The following SLC39A11 variants were observed in gnomAD, a reference collection of about 807,000 sequenced individuals.
SLC39A11 encodes the protein zinc transporter ZIP11.
SLC39A11 carries 33 observed loss-of-function variants against 36.1 expected under a neutral mutation model. The ratio of observed to expected loss-of-function variants is 0.91; its 90% CI spans 0.69 to 1.22. The LOEUF (loss-of-function observed/expected upper bound fraction) is 1.22, where lower values mean the gene tolerates loss of function less well. Ranked by LOEUF, SLC39A11 falls within the 50% of genes most tolerant of loss-of-function variation. The pLI, the probability that SLC39A11 is intolerant of heterozygous loss-of-function variation, is 0.00. For synonymous variants in SLC39A11, 166 were observed against 170.3 expected (o/e 0.97, Z 0.20); for missense variants, 432 against 430.3 (o/e 1.00, Z -0.03).
intron 3 of SLC39A11, among the ~76,000 whole-genome samples, chr17:73,046,258 T>C (rs2059287028): frequency 6.6e-6 from 1 of 152,168 alleles, no homozygotes; most frequent in Non-Finnish European, 1.5e-5. Context: ...AAGATGCTCC[T>C]CCTTGTTCTA....
At chr17:73,090,313 T>C (rs1432532467) in intron 1 of SLC39A11, among the ~76,000 whole-genome samples, 1 of 152,068 alleles carries the variant, frequency 6.6e-6, no homozygotes, top group African/African-American at 2.4e-5. Flanking sequence ...AACTCTGAGA[T>C]AAATAGCATC....
chr17:72,662,550 GAAAAAAGAAA>G (rs2070493427), intron 7 of SLC39A11, among the ~76,000 whole-genome samples: 1 of 43,880 alleles, frequency 2.3e-5, no homozygotes, highest in African/African-American at 1.4e-4. Context: ...AGAAAGAAAA[GAAAAAAGAAA>G]AGAAAAGAAA....
intron 6 of SLC39A11, among the ~76,000 whole-genome samples, chr17:72,834,891 G>A (rs1468616205): frequency 1.3e-5 from 2 of 152,258 alleles, no homozygotes; most frequent in East Asian, 3.8e-4. Flanking sequence ...CACTCTGGCT[G>A]TAGCTTCCTT....
intron 7 of SLC39A11, among the ~76,000 whole-genome samples, chr17:72,701,557 G>C (rs2072621815): frequency 6.6e-6 from 1 of 151,686 alleles, no homozygotes; most frequent in South Asian, 2.1e-4. Context: ...GTGAAACCCT[G>C]TCTCTACTAA....
At chr17:72,669,406 T>C (rs2070895699) in intron 7 of SLC39A11, among the ~76,000 whole-genome samples, 1 of 152,220 alleles carries the variant, frequency 6.6e-6, no homozygotes, top group South Asian at 2.1e-4. Context: ...TGTTTCAGTC[T>C]TTCCTTGATT....
chr17:72,721,094 T>TG (rs1267473707), intron 7 of SLC39A11, among the ~76,000 whole-genome samples: 4 of 150,986 alleles, frequency 2.6e-5, no homozygotes, highest in Non-Finnish European at 5.9e-5. Context: ...CGCCTTTTTT[T>TG]TTTTTTTTTT....
chr17:72,965,755 G>A (rs192178614), intron 4 of SLC39A11, among the ~76,000 whole-genome samples: 5 of 152,336 alleles, frequency 3.3e-5, no homozygotes, highest in Admixed American at 2.6e-4. Context: ...CAGGATGGAA[G>A]ACCAGAAAAT....
chr17:72,767,890 G>A (rs1007486359), intron 6 of SLC39A11, among the ~76,000 whole-genome samples: 1 of 151,982 alleles, frequency 6.6e-6, no homozygotes, highest in Non-Finnish European at 1.5e-5. Flanking sequence ...CACGAGGCTG[G>A]CCATACCACT....
Position 72,821,141 on chromosome 17 carries a change from A to G in SLC39A11, c.601+28493T>C, listed in dbSNP as rs909176378. ...GGGTGGTTCGCAGGTATAATTAATT[A>G]CGTTAGAATGAGATCATCATGCAGT... On this transcript the variant is annotated intron_variant, in intron 6 of 9. Transcript: ENST00000255559. 9.3e-4 allele frequency among the ~76,000 whole-genome samples: 140 copies of G among 150,704 alleles called. 1 individual carries two copies. The highest frequency in any genetic ancestry group is 3.0e-3 in the African/African-American group (126 of 41,316).
intron 6 of SLC39A11, among the ~76,000 whole-genome samples, chr17:72,801,213 A>G (rs1273325431): frequency 6.6e-6 from 1 of 152,114 alleles, no homozygotes; most frequent in Non-Finnish European, 1.5e-5. Flanking sequence ...AGGCAATGAA[A>G]TATGCTTTTT....
intron 7 of SLC39A11, among the ~76,000 whole-genome samples, chr17:72,733,123 T>C (rs749968571): frequency 6.6e-6 from 1 of 152,238 alleles, no homozygotes; most frequent in Non-Finnish European, 1.5e-5. Context: ...ATCCGCTCCA[T>C]AGGCAAGAGG....
intron 5 of SLC39A11, among the ~76,000 whole-genome samples, chr17:72,945,728 C>A (rs1487400197): frequency 6.6e-6 from 1 of 152,204 alleles, no homozygotes; most frequent in Non-Finnish European, 1.5e-5. Context: ...CCCTCCCACA[C>A]ACCTCACTCC....
intron 4 of SLC39A11, among the ~76,000 whole-genome samples, chr17:73,010,105 A>C (rs2090430242): frequency 6.6e-6 from 1 of 151,990 alleles, no homozygotes; most frequent in African/African-American, 2.4e-5. Flanking sequence ...TGGTTCTCTG[A>C]CTAGAGGGAG....
intron 4 of SLC39A11, among the ~76,000 whole-genome samples, chr17:72,986,410 T>G (rs916084210): frequency 3.9e-5 from 6 of 152,206 alleles, no homozygotes; most frequent in South Asian, 2.1e-4. Flanking sequence ...TACAGACGTC[T>G]AAGCTCCACC....
rs1234092428 is a variant in SLC39A11 at position 73,030,470 on chromosome 17, G to A, written c.306+1086C>T. On this transcript the variant is annotated intron_variant, in intron 4 of 9. Coordinates refer to ENST00000255559, the MANE Select transcript of SLC39A11 (RefSeq NM_139177.4). ...CTTGGGAAGTTAAGGAAAAAAGAAA[G>A]CAGGAAGGCAGGGAAGAGAACTTCA... 2.6e-5 allele frequency among the ~76,000 whole-genome samples: 4 copies of A among 152,310 alleles called. No homozygotes were observed. The South Asian group carries it at 8.3e-4, about 32-fold the overall frequency.
In SLC39A11 at chr17:73,031,575, T is replaced by C. The variant is rs975192140; in HGVS notation, c.287A>G (p.Asp96Gly). 1 of 1,613,818 alleles carries C rather than the reference T, an allele frequency of 6.2e-7. No homozygotes were observed. The highest frequency in any genetic ancestry group is 8.5e-7 in the Non-Finnish European group (1 of 1,179,978). Residue 96 changes from aspartate to glycine, a missense_variant, in exon 4 of 10, where the codon GAC becomes GGC. By Grantham distance (94) the Asp-to-Gly change is moderately conservative. Transcript: ENST00000255559. ...ACTCACCAAGTGAGGCATCAGGAGGTCAGCCAAGTAGACAAAAGCCGCTCC... is the reference window on the plus strand; with the variant it reads ...ACTCACCAAGTGAGGCATCAGGAGGCCAGCCAAGTAGACAAAAGCCGCTCC... ...TLGAAFVYLA[D>G]LLMPHLGAAE...
At chr17:73,066,800 G>A (rs1339592474) in intron 3 of SLC39A11, among the ~76,000 whole-genome samples, 1 of 152,184 alleles carries the variant, frequency 6.6e-6, no homozygotes, top group Admixed American at 6.5e-5. Flanking sequence ...GTCTAGCAGT[G>A]CCCAGACACC....
chr17:72,840,962 G>A (rs894796783), intron 6 of SLC39A11, among the ~76,000 whole-genome samples: 1 of 151,838 alleles, frequency 6.6e-6, no homozygotes, highest in Non-Finnish European at 1.5e-5. Context: ...GGCTGAGGCA[G>A]GAGAATGGTG....
intron 5 of SLC39A11, among the ~76,000 whole-genome samples, chr17:72,882,678 GA>G (rs1196999838): frequency 1.8e-4 from 27 of 152,216 alleles, no homozygotes; most frequent in African/African-American, 5.8e-4. Flanking sequence ...TAGTAGTCTT[GA>G]GTTTCATCTG....
Sources: gnomAD v4.1 joint callset for allele counts (sites outside exome capture counted in the v4.1 genomes callset) on GRCh38, gnomAD v4.1.1 for gene constraint, MANE v1.5 for transcripts, NCBI Gene and HGNC (gene_info 2026-07-23, HGNC 2026-07-21) for gene names.